Variants in PPP4R3B observed in about 807,000 individuals in gnomAD.
PPP4R3B encodes protein phosphatase 4 regulatory subunit 3B.
Under a neutral mutation model 95.4 loss-of-function variants are expected in PPP4R3B, and 52 were observed. The observed-to-expected ratio is 0.54, with a 90% CI of 0.44 to 0.69. PPP4R3B has a LOEUF of 0.69. Ranked by LOEUF, PPP4R3B falls within the 30% of genes least tolerant of loss-of-function variation. The pLI is 0.00. For synonymous variants in PPP4R3B, 407 were observed against 343.9 expected (o/e 1.18, Z -2.03); for missense variants, 1,003 against 1,005.9 (o/e 1.00, Z 0.04).
chr2:55,558,797 G>C lies in PPP4R3B; in HGVS notation c.2432C>G (p.Pro811Arg). Residue 811 changes from proline to arginine, a missense_variant, in exon 16 of 17, where the codon CCT becomes CGT. This residue lies in a region of PPP4R3B where 229 missense variants were observed against 194.7 expected (regional missense o/e 1.18). Coordinates refer to ENST00000616407, the MANE Select transcript of PPP4R3B (RefSeq NM_001122964.3). ...NGSSSKTTNL[P>R]TSVTATKGSL... ...TACCTTGGTGGCTGTTACTGACGTA[G>C]GCAAGTTTGTGGTTTTGGAAGAGGA... 5.6e-6 allele frequency: 9 copies of C among 1,611,168 alleles called. No individual in the cohort carries two copies. Among genetic ancestry groups the C allele is most frequent in the South Asian group, 1.1e-5 (1 of 90,678 alleles).
intron 12 of PPP4R3B, among the ~76,000 whole-genome samples, chr2:55,569,268 G>A (rs1451383313): frequency 6.6e-6 from 1 of 152,074 alleles, no homozygotes; most frequent in African/African-American, 2.4e-5. Flanking sequence ...TAGCGGTAGC[G>A]TTAGTGTCAA....
intron 16 of PPP4R3B, among the ~76,000 whole-genome samples, chr2:55,556,632 T>TA (rs570817892): frequency 0.14 from 20,349 of 141,526 alleles, 2,762 homozygotes; most frequent in African/African-American, 0.37. Context: ...TACTTTGATT[T>TA]AAAAAAAAAA....
intron 2 of PPP4R3B, among the ~76,000 whole-genome samples, chr2:55,612,600 A>T (rs1169536031): frequency 2.6e-5 from 4 of 152,056 alleles, no homozygotes; most frequent in Non-Finnish European, 5.9e-5. Flanking sequence ...AAAGGTGCAA[A>T]TTTAGCCTGG....
chr2:55,551,718 T>A (rs1181780180), intron 16 of PPP4R3B, among the ~76,000 whole-genome samples: 2 of 151,904 alleles, frequency 1.3e-5, no homozygotes, highest in East Asian at 3.9e-4. Flanking sequence ...ACCACTGCAC[T>A]CCAGCCTGGG....
chr2:55,591,772 T>C (rs1691062455), intron 4 of PPP4R3B: 2 of 542,830 alleles, frequency 3.7e-6, no homozygotes, highest in Non-Finnish European at 4.7e-6. Context: ...TAGTATTTTT[T>C]CCCTGATTTC....
chr2:55,603,545 A>G (rs1338719272), intron 3 of PPP4R3B, among the ~76,000 whole-genome samples: 3 of 152,238 alleles, frequency 2.0e-5, no homozygotes, highest in African/African-American at 7.2e-5. Flanking sequence ...CATATTCTAT[A>G]TATCCTGCTA....
chr2:55,589,216 T>C (rs1356655673), intron 4 of PPP4R3B, among the ~76,000 whole-genome samples: 1 of 152,228 alleles, frequency 6.6e-6, no homozygotes, highest in Non-Finnish European at 1.5e-5. Flanking sequence ...ATATTTGTTC[T>C]AGAGGTGTTA....
intron 16 of PPP4R3B, among the ~76,000 whole-genome samples, chr2:55,553,082 T>C (rs1391387103): frequency 6.6e-6 from 1 of 152,164 alleles, no homozygotes; most frequent in African/African-American, 2.4e-5. Context: ...CTACAGAGAA[T>C]TCTACATAGA....
At chr2:55,601,889 T>A (rs1692669931) in intron 3 of PPP4R3B, among the ~76,000 whole-genome samples, 1 of 152,178 alleles carries the variant, frequency 6.6e-6, no homozygotes, top group Non-Finnish European at 1.5e-5. Flanking sequence ...GAGGATGTAA[T>A]GCTGATAGAA....
intron 5 of PPP4R3B, among the ~76,000 whole-genome samples, chr2:55,588,000 GA>G (rs1229941386): frequency 6.6e-6 from 1 of 151,992 alleles, no homozygotes. Context: ...TTATAGAATT[GA>G]ATATGCATTA....
In PPP4R3B at chr2:55,598,755, C is replaced by G; in HGVS notation, c.582G>C (p.Leu194Phe). 2 of 1,614,206 alleles carry G rather than the reference C, an allele frequency of 1.2e-6. No homozygotes were observed. Among genetic ancestry groups the G allele is most frequent in the Non-Finnish European group, 1.7e-6 (2 of 1,180,038 alleles). ...NLENTEGLHH[L>F]YEIIRGILFL... ...ATAAGATTCCTCTAATAATTTCATA[C>G]AAATGGTGTAAGCCTTCAGTGTTTT... The change falls in exon 4 of 17, where the codon TTG becomes TTC. Residue 194 changes from leucine to phenylalanine, a missense_variant. Leu to Phe is a conservative substitution (Grantham distance 22). Transcript: ENST00000616407.
At chr2:55,580,319 A>T (rs11900763) in intron 8 of PPP4R3B, among the ~76,000 whole-genome samples, 107,297 of 152,080 alleles carry the variant, frequency 0.71, 38,646 homozygotes, top group Non-Finnish European at 0.77. Flanking sequence ...CAGAACAGCA[A>T]GCACCATAAT....
At chr2:55,582,963 A>G (rs908993924) in intron 7 of PPP4R3B, among the ~76,000 whole-genome samples, 2 of 152,126 alleles carry the variant, frequency 1.3e-5, no homozygotes, top group African/African-American at 4.8e-5. Context: ...TGCTAAATTT[A>G]CCCTTTCTGC....
Position 55,548,175 on chromosome 2 carries a change from T to C in PPP4R3B, c.*1736A>G, listed in dbSNP as rs1684905466. 2 of 152,370 alleles carry C rather than the reference T, an allele frequency of 1.3e-5. No homozygotes were observed. Among genetic ancestry groups the C allele is most frequent in the Admixed American group, 1.3e-4 (2 of 15,284 alleles). The allele number at this position is 152,370 out of a possible 1,614,324, so 9.4% of individuals were successfully genotyped here. A position where few individuals can be genotyped will look rare whatever the true frequency, so the allele number is the denominator to read the frequency against. On this transcript the variant is annotated 3_prime_UTR_variant, in exon 17 of 17. Transcript: ENST00000616407. ...GTGATGCTATGATTTCCCCAAGGCTTACCTTCTATAAGTAGTCACTGATAA... is the reference window on the plus strand; with the variant it reads ...GTGATGCTATGATTTCCCCAAGGCTCACCTTCTATAAGTAGTCACTGATAA...
chr2:55,612,527 G>C (rs765811972), intron 2 of PPP4R3B, among the ~76,000 whole-genome samples: 7 of 152,046 alleles, frequency 4.6e-5, no homozygotes, highest in Non-Finnish European at 1.0e-4. Flanking sequence ...AAATCAGCCT[G>C]GGCCACACAG....
intron 3 of PPP4R3B, among the ~76,000 whole-genome samples, chr2:55,602,073 T>C (rs1692697175): frequency 6.6e-6 from 1 of 152,158 alleles, no homozygotes; most frequent in African/African-American, 2.4e-5. Context: ...CACAGTTCTG[T>C]ACAAGTTTAT....
At chr2:55,571,718 C>T (rs1419464059) in intron 12 of PPP4R3B, among the ~76,000 whole-genome samples, 6 of 152,156 alleles carry the variant, frequency 3.9e-5, no homozygotes, top group East Asian at 1.9e-4. Context: ...CCCCGTCTCC[C>T]GGGTTCAAGT....
chr2:55,607,987 C>G (rs1429726945), intron 2 of PPP4R3B, among the ~76,000 whole-genome samples: 1 of 152,074 alleles, frequency 6.6e-6, no homozygotes, highest in Non-Finnish European at 1.5e-5. Flanking sequence ...AACTGAGCAC[C>G]TTTTCATCAT....
chr2:55,602,392 C>A (rs1692741604), intron 3 of PPP4R3B, among the ~76,000 whole-genome samples: 1 of 152,130 alleles, frequency 6.6e-6, no homozygotes, highest in African/African-American at 2.4e-5. Context: ...TTATCTAGCC[C>A]CAGAGAGGTA....
Sources: allele counts gnomAD v4.1 joint callset (sites outside exome capture counted in the v4.1 genomes callset), GRCh38; gene constraint gnomAD v4.1.1; regional missense constraint gnomAD v4.1.1; transcripts MANE v1.5; gene names NCBI Gene and HGNC (gene_info 2026-07-23, HGNC 2026-07-21).